HIBADH: variants seen among roughly 807,000 people sequenced by gnomAD.
The protein encoded by HIBADH is 3-hydroxyisobutyrate dehydrogenase.
HIBADH carries 25 observed loss-of-function variants against 36.1 expected under a neutral mutation model. The observed-to-expected ratio is 0.69, with a 90% CI of 0.50 to 0.97. The LOEUF is 0.97. Ranked by LOEUF, HIBADH falls within the 50% of genes least tolerant of loss-of-function variation. The pLI is 0.00. For synonymous variants in HIBADH, 160 were observed against 149.5 expected, an observed-to-expected ratio of 1.07 and a Z score of -0.51; for missense variants, 421 against 418.0, an observed-to-expected ratio of 1.01 and a Z score of -0.06.
intron 4 of HIBADH, among the ~76,000 whole-genome samples, chr7:27,558,847 G>C (rs558758566): frequency 1.4e-3 from 207 of 152,214 alleles, no homozygotes; most frequent in African/African-American, 4.7e-3. Flanking sequence ...ATTTATTTTA[G>C]CTTAAAACTT....
At chr7:27,589,380 C>T (rs1191768505) in intron 4 of HIBADH, among the ~76,000 whole-genome samples, 1 of 152,108 alleles carries the variant, frequency 6.6e-6, no homozygotes, top group African/African-American at 2.4e-5. Flanking sequence ...ATGCTGCTAG[C>T]TCTCAAATTC....
intron 4 of HIBADH, among the ~76,000 whole-genome samples, chr7:27,570,716 G>GA (rs1324660829): frequency 6.6e-6 from 1 of 151,918 alleles, no homozygotes; most frequent in Non-Finnish European, 1.5e-5. Flanking sequence ...GGGCGGTGGG[G>GA]GGAGTAAAAA....
intron 1 of HIBADH, among the ~76,000 whole-genome samples, chr7:27,659,000 C>T (rs891281034): frequency 4.6e-5 from 7 of 152,202 alleles, no homozygotes; most frequent in Non-Finnish European, 8.8e-5. Flanking sequence ...TTCAGAACTT[C>T]ATGTGCAGCC....
At chr7:27,560,911 C>T (rs759567604) in intron 4 of HIBADH, among the ~76,000 whole-genome samples, 3 of 152,206 alleles carry the variant, frequency 2.0e-5, no homozygotes, top group Admixed American at 6.5e-5. Context: ...CACTATTTTA[C>T]ATTCCTACCA....
At chr7:27,602,060 CAAT>C (rs1403979670) in intron 4 of HIBADH, among the ~76,000 whole-genome samples, 2 of 151,742 alleles carry the variant, frequency 1.3e-5, no homozygotes, top group African/African-American at 4.8e-5. Context: ...TAGTCTCCTG[CAAT>C]AATATTGAAA....
At chr7:27,556,799 T>C (rs1229456180) in intron 4 of HIBADH, among the ~76,000 whole-genome samples, 2 of 152,200 alleles carry the variant, frequency 1.3e-5, no homozygotes, top group Non-Finnish European at 2.9e-5. Context: ...ACTGTAACTT[T>C]ATACTGTGTT....
At chr7:27,538,140 T>C (rs1784093714) in intron 6 of HIBADH, among the ~76,000 whole-genome samples, 1 of 152,218 alleles carries the variant, frequency 6.6e-6, no homozygotes, top group African/African-American at 2.4e-5. Context: ...ATTTTATGGC[T>C]ATGGCAAAGA....
intron 4 of HIBADH, among the ~76,000 whole-genome samples, chr7:27,562,232 T>C (rs757581150): frequency 6.6e-6 from 1 of 152,126 alleles, no homozygotes; most frequent in Non-Finnish European, 1.5e-5. Flanking sequence ...TACTTTATTT[T>C]TATTGTTTTC....
intron 7 of HIBADH, 117 bp from the exon 8 acceptor site, chr7:27,526,489 C>T: frequency 1.4e-6 from 1 of 690,880 alleles, no homozygotes; most frequent in Non-Finnish European, 2.2e-6. Flanking sequence ...AAATAAGATA[C>T]TTATAAATAC....
At chr7:27,646,752 G>C (rs941119955) in intron 2 of HIBADH, among the ~76,000 whole-genome samples, 1 of 134,272 alleles carries the variant, frequency 7.4e-6, no homozygotes, top group Non-Finnish European at 1.5e-5. Context: ...CTGGACTGCA[G>C]TGGTGCAATC....
At chr7:27,611,184 A>G (rs1186674380) in intron 4 of HIBADH, among the ~76,000 whole-genome samples, 1 of 152,202 alleles carries the variant, frequency 6.6e-6, no homozygotes, top group African/African-American at 2.4e-5. Context: ...AGAACAATAC[A>G]GTTTAGCAAA....
intron 4 of HIBADH, among the ~76,000 whole-genome samples, chr7:27,620,510 CA>C (rs956961177): frequency 2.1e-4 from 31 of 144,972 alleles, no homozygotes; most frequent in Admixed American, 3.4e-4. Context: ...CAAAACAAAA[CA>C]AAAAAAAAAC....
intron 2 of HIBADH, 21 bp from the exon 3 acceptor site, chr7:27,632,466 G>T: frequency 6.6e-7 from 1 of 1,519,764 alleles, no homozygotes; most frequent in Non-Finnish European, 9.1e-7. Context: ...AATTGCAAAG[G>T]CACATTATTT....
At chr7:27,530,756 T>G (rs928479765) in intron 7 of HIBADH, among the ~76,000 whole-genome samples, 16 of 152,230 alleles carry the variant, frequency 1.1e-4, no homozygotes, top group Non-Finnish European at 2.2e-4. Context: ...AGCAGGAAGA[T>G]GTATTTGGAA....
chr7:27,554,755 G>GA (rs1020226303), intron 4 of HIBADH, among the ~76,000 whole-genome samples: 1 of 152,202 alleles, frequency 6.6e-6, no homozygotes. Flanking sequence ...GAAAACTGGG[G>GA]ACAGCAGAAA....
chr7:27,559,468 A>T lies in HIBADH; in HGVS notation c.485-16368T>A, dbSNP rs1021115837. 2.6e-5 allele frequency among the ~76,000 whole-genome samples: 4 copies of T among 152,218 alleles called. 1 individual carries two copies. The highest frequency in any genetic ancestry group is 4.2e-4 in the South Asian group (2 of 4,818). On this transcript the variant is annotated intron_variant, in intron 4 of 7. Coordinates refer to ENST00000265395, the MANE Select transcript of HIBADH (RefSeq NM_152740.4). ...AAGATCTCATCTCTAGAAAAAATTT[A>T]AAAAATAAAGAAAATTAGCCAGGTG...
At chr7:27,550,526 ATGCACCCATGCCTATCTTGGGCT>A (rs1784303864) in intron 4 of HIBADH, among the ~76,000 whole-genome samples, 1 of 125,228 alleles carries the variant, frequency 8.0e-6, no homozygotes, top group African/African-American at 2.5e-5. Flanking sequence ...ATGATTTTTC[ATGCACCCATGCCTATCTTGGGCT>A]GTTCCCTCAC....
chr7:27,647,716 C>T (rs572103183), intron 2 of HIBADH: 1 of 413,220 alleles, frequency 2.4e-6, no homozygotes, highest in African/African-American at 2.1e-5. Flanking sequence ...TGTTGGGAAA[C>T]AGAGGTAAGC....
chr7:27,644,325 C>T (rs181053097), intron 2 of HIBADH, among the ~76,000 whole-genome samples: 2,157 of 151,976 alleles, frequency 0.014, 23 homozygotes, highest in Non-Finnish European at 0.022. Context: ...ATTGGCCGGG[C>T]ACGGTGGCTC....
Sources: allele counts gnomAD v4.1 joint callset (sites outside exome capture counted in the v4.1 genomes callset), GRCh38; gene constraint gnomAD v4.1.1; transcripts MANE v1.5; gene names NCBI Gene and HGNC (gene_info 2026-07-23, HGNC 2026-07-21).